HELQ: variants seen among roughly 807,000 people sequenced by gnomAD.
The protein encoded by HELQ is helicase, POLQ like, also known as helicase POLQ-like.
A neutral mutation model predicts 111.6 loss-of-function variants in HELQ; 77 were observed. The ratio of observed to expected loss-of-function variants is 0.69; its 90% CI spans 0.57 to 0.83. The LOEUF is 0.83. HELQ is among the 40% of genes least tolerant of loss of function. The pLI is 0.00. For synonymous variants in HELQ, 438 were observed against 454.7 expected, an observed-to-expected ratio of 0.96 and a Z score of 0.47; for missense variants, 1,200 against 1,288.5, an observed-to-expected ratio of 0.93 and a Z score of 1.05.
intron 12 of HELQ, among the ~76,000 whole-genome samples, chr4:83,428,220 T>C (rs1719946861): frequency 6.6e-6 from 1 of 151,770 alleles, no homozygotes; most frequent in African/African-American, 2.4e-5. Context: ...CACATAAAAA[T>C]ATTTGGAAGA....
chr4:83,439,920 C>CA lies in HELQ; in HGVS notation c.1750dup (p.Cys584LeufsTer3), dbSNP rs1396720675. 1 of 1,608,476 alleles carries CA rather than the reference C, an allele frequency of 6.2e-7. No individual in the cohort carries two copies. The highest frequency in any genetic ancestry group is 1.7e-5 in the Admixed American group (1 of 59,870). On this transcript the variant is annotated frameshift_variant, in exon 8 of 18. Transcript: ENST00000295488. LOFTEE classifies it high-confidence loss of function. ...ATTTTCACAGTTCTTCTTACTAGGACAAAAAACTAAGCAGGAATAATTGGG... is the reference window on the plus strand; with the variant it reads ...ATTTTCACAGTTCTTCTTACTAGGACAAAAAAACTAAGCAGGAATAATTGGG...
intron 7 of HELQ, among the ~76,000 whole-genome samples, 166 bp downstream of exon 7, chr4:83,441,139 G>A (rs1056498933): frequency 6.6e-6 from 1 of 152,210 alleles, no homozygotes; most frequent in Non-Finnish European, 1.5e-5. Flanking sequence ...TGTTGAAACT[G>A]GAAACGAGCT....
At chr4:83,417,298 G>A (rs1462180338) in intron 16 of HELQ, among the ~76,000 whole-genome samples, 1 of 151,202 alleles carries the variant, frequency 6.6e-6, no homozygotes, top group Non-Finnish European at 1.5e-5. Context: ...CACCACTCAC[G>A]TTCACAAAAT....
intron 15 of HELQ, among the ~76,000 whole-genome samples, chr4:83,421,037 C>T (rs963655671): frequency 6.6e-6 from 1 of 152,194 alleles, no homozygotes; most frequent in Non-Finnish European, 1.5e-5. Flanking sequence ...TCTCGAACTC[C>T]TGGGCTCAAG....
In HELQ at chr4:83,455,681, C is replaced by T. The variant is rs911005877; in HGVS notation, c.13G>A (p.Gly5Ser). The T allele has an allele frequency of 1.9e-6, 3 of 1,607,686 alleles. No individual in the cohort carries two copies. Among genetic ancestry groups the T allele is most frequent in the Non-Finnish European group, 2.5e-6 (3 of 1,179,854 alleles). ...GACACCCGCCGGCGGATGCGGGAAC[C>T]ACATTCATCCATGGCAAGGACCCAG... MDEC[G>S]SRIRRRVSLP... The change falls in exon 1 of 18, where the codon GGT becomes AGT. Residue 5 changes from glycine to serine, a missense_variant. Around this residue, in one of 3 missense-constraint regions of HELQ, gnomAD observed 610 missense variants for 607.1 expected, o/e 1.00. Transcript: ENST00000295488.
chr4:83,426,198 A>G, intron 13 of HELQ, 106 bp from the exon 14 acceptor site: 1 of 667,486 alleles, frequency 1.5e-6, no homozygotes, highest in Non-Finnish European at 2.7e-6. Flanking sequence ...GGATACAAAA[A>G]ACAAGATAAA....
At position 83,451,673 on chromosome 4, in the gene HELQ, CAA is replaced by C. The variant is rs370630617; in HGVS notation, c.1012+1556_1012+1557del. 5.7e-4 allele frequency among the ~76,000 whole-genome samples: 75 copies of C among 132,280 alleles called. 2 individuals carry two copies. Among genetic ancestry groups the C allele is most frequent in the African/African-American group, 2.5e-3 (58 of 23,620 alleles). 86.8% of individuals were successfully genotyped at this position (132,280 alleles called of 152,430 possible). On this transcript the variant is annotated intron_variant, in intron 2 of 17. Coordinates refer to ENST00000295488, the MANE Select transcript of HELQ (RefSeq NM_133636.5). ...CGCGAGACTCCGTCTCAAAAAAAAA[CAA>C]AAAAACAAAAACAAAAACAAAAAGA...
chr4:83,455,674 C>A lies in HELQ; in HGVS notation c.20G>T (p.Arg7Leu). 6.2e-7 allele frequency: 1 copy of A among 1,609,200 alleles called. No individual in the cohort carries two copies. The highest frequency in any genetic ancestry group is 8.5e-7 in the Non-Finnish European group (1 of 1,179,874). MDECGS[R>L]IRRRVSLPKR... ...GGGGAGAGACACCCGCCGGCGGATG[C>A]GGGAACCACATTCATCCATGGCAAG... Residue 7 changes from arginine to leucine, a missense_variant, in exon 1 of 18, where the codon CGC becomes CTC. Arg to Leu is a moderately radical substitution (Grantham distance 102). Transcript: ENST00000295488.
In HELQ at chr4:83,421,737, C is replaced by A; in HGVS notation, c.2776-1G>T. The stretch of plus-strand genomic sequence containing the variant: ...TGTTGACAACGTTCTTGTCCACCTT[C>A]TAGAAAGACACAATCAAATAAATTC... On this transcript the variant is annotated splice_acceptor_variant, in intron 14 of 17. Coordinates refer to ENST00000295488, the MANE Select transcript of HELQ (RefSeq NM_133636.5). LOFTEE classifies it high-confidence loss of function. 6.2e-7 allele frequency: 1 copy of A among 1,611,036 alleles called. No individual in the cohort carries two copies. The highest frequency in any genetic ancestry group is 8.5e-7 in the Non-Finnish European group (1 of 1,178,748).
chr4:83,415,978 G>A (rs1156565145), intron 17 of HELQ, among the ~76,000 whole-genome samples: 1 of 133,610 alleles, frequency 7.5e-6, no homozygotes, highest in Admixed American at 8.1e-5. Flanking sequence ...ACAGAATCTC[G>A]CTCTGTCAGC....
In HELQ at chr4:83,416,594, C is replaced by T. The variant is rs577828754; in HGVS notation, c.3198+137G>A. The T allele has an allele frequency of 2.2e-4, 186 of 864,972 alleles. No individual in the cohort carries two copies. The African/African-American group carries it at 2.8e-3, about 13-fold the overall frequency. The allele number at this position is 864,972 out of a possible 1,614,324, so 53.6% of individuals were successfully genotyped here. ...ACAACAGATGCATTATTTTTACTCA[C>T]AAATAAGAGTATGTACTTTTGTATC... On this transcript the variant is annotated intron_variant, in intron 17 of 17. Coordinates refer to ENST00000295488, the MANE Select transcript of HELQ (RefSeq NM_133636.5).
intron 2 of HELQ, among the ~76,000 whole-genome samples, chr4:83,449,174 A>G (rs1048278795): frequency 6.6e-6 from 1 of 152,240 alleles, no homozygotes; most frequent in African/African-American, 2.4e-5. Flanking sequence ...AAGGTGGGCA[A>G]CCAGCCCATT....
chr4:83,450,572 G>T (rs1721307428), intron 2 of HELQ, among the ~76,000 whole-genome samples: 1 of 150,520 alleles, frequency 6.6e-6, no homozygotes, highest in Non-Finnish European at 1.5e-5. Context: ...TTATGCCAAA[G>T]TATAACTTAA....
chr4:83,429,340 G>A (rs1578081059), intron 12 of HELQ, among the ~76,000 whole-genome samples, 184 bp downstream of exon 12: 1 of 152,004 alleles, frequency 6.6e-6, no homozygotes, highest in African/African-American at 2.4e-5. Flanking sequence ...GTAGAGACAG[G>A]GTTTTACTAT....
chr4:83,453,826 A>G lies in HELQ; in HGVS notation c.417T>C (p.His139=). Residue 139 remains histidine, a synonymous_variant, in exon 2 of 18, where the codon CAT becomes CAC. Transcript: ENST00000295488. ...KYMQLPEHKK[H]ATDFATENLC... ...GATTTTCAGTGGCAAAGTCTGTAGC[A>G]TGTTTCTTATGTTCAGGGAGTTGCA... 4 of 1,614,060 alleles carry G rather than the reference A, an allele frequency of 2.5e-6. No homozygotes were observed. The highest frequency in any genetic ancestry group is 3.4e-6 in the Non-Finnish European group (4 of 1,179,934).
chr4:83,455,314 A>G lies in HELQ; in HGVS notation c.297+83T>C, dbSNP rs1219419729. The stretch of plus-strand genomic sequence containing the variant: ...GTGGTAACGAAGACGAGAGAAGTAA[A>G]CGAAGGCGATAAAACTGGTCAACTC... On this transcript the variant is annotated intron_variant, in intron 1 of 17. Coordinates refer to ENST00000295488, the MANE Select transcript of HELQ (RefSeq NM_133636.5). The G allele has an allele frequency of 8.4e-6, 13 of 1,552,730 alleles. No individual in the cohort carries two copies. The Admixed American group carries it at 1.9e-4, about 22-fold the overall frequency.
Position 83,455,815 on chromosome 4 carries a change from T to G in HELQ, c.-122A>C. The G allele has an allele frequency of 9.8e-7, 1 of 1,019,226 alleles. No homozygotes were observed. Among genetic ancestry groups the G allele is most frequent in the Non-Finnish European group, 1.5e-6 (1 of 689,470 alleles). 63.1% of individuals were successfully genotyped at this position (1,019,226 alleles called of 1,614,324 possible). A position where few individuals can be genotyped will look rare whatever the true frequency, so the allele number is the denominator to read the frequency against. ...ATCCACCTTGGGAAAAGACCCCAAG[T>G]TAGCTCTCAGGGCTCGCGGACCGGA... On this transcript the variant is annotated 5_prime_UTR_variant, in exon 1 of 18. Coordinates refer to ENST00000295488, the MANE Select transcript of HELQ (RefSeq NM_133636.5).
chr4:83,440,232 T>TAA (rs960497706), intron 7 of HELQ, among the ~76,000 whole-genome samples: 1 of 151,182 alleles, frequency 6.6e-6, no homozygotes, highest in African/African-American at 2.4e-5. Flanking sequence ...CTAGTTAGTC[T>TAA]AAAAAAAAAC....
At chr4:83,431,829 A>G in intron 10 of HELQ, 61 bp from the exon 11 acceptor site, 1 of 689,760 alleles carries the variant, frequency 1.4e-6, no homozygotes, top group Non-Finnish European at 2.2e-6. Context: ...GGTATTTAAT[A>G]TAAATATTTT....
Sources: gnomAD v4.1 joint callset for allele counts (sites outside exome capture counted in the v4.1 genomes callset) on GRCh38, gnomAD v4.1.1 for gene constraint, gnomAD v4.1.1 regional missense constraint, MANE v1.5 for transcripts, NCBI Gene and HGNC (gene_info 2026-07-23, HGNC 2026-07-21) for gene names.